Variants in TCTN2 observed in about 807,000 individuals in gnomAD.
The protein encoded by TCTN2 is tectonic-2.
TCTN2 carries 66 observed loss-of-function variants against 83.4 expected under a neutral mutation model. The ratio of observed to expected loss-of-function variants is 0.79; its 90% CI spans 0.65 to 0.97. The LOEUF (loss-of-function observed/expected upper bound fraction) is 0.97, where lower values mean the gene tolerates loss of function less well. Ranked by LOEUF, TCTN2 falls within the 50% of genes least tolerant of loss-of-function variation. The pLI, the probability that TCTN2 is intolerant of heterozygous loss-of-function variation, is 0.00. For missense variants in TCTN2, 794 were observed against 858.1 expected (o/e 0.93, Z 0.93); for synonymous variants, 301 against 326.7 (o/e 0.92, Z 0.85).
intron 5 of TCTN2, among the ~76,000 whole-genome samples, chr12:123,682,170 C>CTG (rs1409322149): frequency 2.0e-5 from 3 of 152,266 alleles, no homozygotes; most frequent in East Asian, 3.9e-4. Context: ...TGGGGTCTTG[C>CTG]TGTGTTGCCT....
intron 11 of TCTN2, chr12:123,696,207 T>C: frequency 1.7e-6 from 1 of 583,514 alleles, no homozygotes; most frequent in South Asian, 2.0e-5. Flanking sequence ...TTGTACATAG[T>C]AACAAGTTGC....
rs1956028966 is a variant in TCTN2, at chr12:123,690,583, C to T, written c.942C>T (p.His314=). The T allele has an allele frequency of 6.2e-7, 1 of 1,614,062 alleles. No individual in the cohort carries two copies. Among genetic ancestry groups the T allele is most frequent in the South Asian group, 1.1e-5 (1 of 91,092 alleles). ...AGAACGCCCCAGTGGCATTTCTTCA[C>T]AATTTTGATGTTAAATGCGTTACTA... is the stretch of plus-strand genomic sequence containing the variant. The part of the protein sequence containing the change: ...CMQNAPVAFL[H]NFDVKCVTNL... Residue 314 remains histidine (H), a synonymous_variant, in exon 8 of 18, where the codon CAC becomes CAT. Transcript: ENST00000303372.
At chr12:123,690,729 T>C (rs1405046282) in intron 8 of TCTN2, 55 bp downstream of exon 8, 3 of 1,594,184 alleles carry the variant, frequency 1.9e-6, no homozygotes, top group Non-Finnish European at 1.7e-6. Context: ...ATATAAAGTA[T>C]GATCTCATGA....
chr12:123,696,678 G>T, intron 12 of TCTN2, 183 bp downstream of exon 12: 1 of 654,956 alleles, frequency 1.5e-6, no homozygotes, highest in Non-Finnish European at 2.8e-6. Context: ...TTTTAAAAAG[G>T]AATGCTAACA....
chr12:123,690,387 G>T (rs1956026285), intron 7 of TCTN2, 146 bp from the exon 8 acceptor site: 1 of 1,074,108 alleles, frequency 9.3e-7, no homozygotes, highest in African/African-American at 1.6e-5. Flanking sequence ...GCTAAAGCGG[G>T]TCAACTAGTC....
At position 123,704,634 on chromosome 12, in the gene TCTN2, A is replaced by G. The variant is rs773570450; in HGVS notation, c.1715A>G (p.Asp572Gly). The change falls in exon 15 of 18, where the codon GAT (aspartate) becomes GGT (glycine). Residue 572 changes from aspartate (D) to glycine (G), a missense_variant. Asp to Gly is a moderately conservative substitution (Grantham distance 94). Coordinates refer to ENST00000303372, the MANE Select transcript of TCTN2 (RefSeq NM_024809.5). ...AHLSIRILIS[D>G]AGAVEGITQQ... ...CTGAGCATCCGCATCCTCATCTCGG[A>G]TGCTGGCGCGGTGGAAGGGATTACT... 2 of 1,613,342 alleles carry G rather than the reference A, an allele frequency of 1.2e-6. No individual in the cohort carries two copies. Among genetic ancestry groups the G allele is most frequent in the Admixed American group, 1.7e-5 (1 of 59,786 alleles).
intron 3 of TCTN2, among the ~76,000 whole-genome samples, chr12:123,672,649 G>T (rs1955770492): frequency 6.6e-6 from 1 of 151,954 alleles, no homozygotes; most frequent in Non-Finnish European, 1.5e-5. Flanking sequence ...GGTAGCTGAG[G>T]CAAGAGGATT....
Position 123,686,827 on chromosome 12 carries a change from G to T in TCTN2, c.565-9G>T. On this transcript the variant is annotated splice_polypyrimidine_tract_variant and intron_variant, in intron 5 of 17. Transcript: ENST00000303372. ...GGTCACAGCTCCTGCCTTTATGTTTGTCTTCCAGGAATGCTCATCAAATTT... is the reference window on the plus strand; with the variant it reads ...GGTCACAGCTCCTGCCTTTATGTTTTTCTTCCAGGAATGCTCATCAAATTT... The T allele has an allele frequency of 6.2e-7, 1 of 1,614,154 alleles. No individual in the cohort carries two copies. Among genetic ancestry groups the T allele is most frequent in the Non-Finnish European group, 8.5e-7 (1 of 1,180,014 alleles).
Position 123,672,135 on chromosome 12 carries a change from A to G in TCTN2, c.267+3A>G, listed in dbSNP as rs748772785. On this transcript the variant is annotated splice_donor_region_variant and intron_variant, in intron 3 of 17. Transcript: ENST00000303372. ...GCGTGACTGTGATCCCCGGTGCGGT[A>G]AGGCCAGAAGTAAACCTTCTCTGTA... 4.2e-5 allele frequency: 68 copies of G among 1,613,834 alleles called. No homozygotes were observed. The East Asian group carries it at 1.4e-3, about 33-fold the overall frequency.
Position 123,686,984 on chromosome 12 carries a change from A to G in TCTN2, c.713A>G (p.Gln238Arg). The change falls in exon 6 of 18, where the codon CAG becomes CGG. Residue 238 changes from glutamine (Q) to arginine (R), a missense_variant. Physicochemically the swap from Gln to Arg is conservative, Grantham distance 43. Coordinates refer to ENST00000303372, the MANE Select transcript of TCTN2 (RefSeq NM_024809.5). ...VPDWFPFLCVQSPLANTPFLG... is the reference protein window; with the variant it reads ...VPDWFPFLCVRSPLANTPFLG... Reference sequence around the variant, plus strand: ...GATTGGTTTCCCTTTCTGTGTGTGCAGTCCCCCCTTGCCAACACACCCTTC... The same window carrying G: ...GATTGGTTTCCCTTTCTGTGTGTGCGGTCCCCCCTTGCCAACACACCCTTC... The G allele has an allele frequency of 1.2e-6, 2 of 1,614,142 alleles. No individual in the cohort carries two copies. The highest frequency in any genetic ancestry group is 1.7e-6 in the Non-Finnish European group (2 of 1,180,040).
At position 123,695,243 on chromosome 12, in the gene TCTN2, G is replaced by A; in HGVS notation, c.1258G>A (p.Val420Ile). ...AGGGATAATGACACAGAGATTTGTA[G>A]TAAAATTTTTAAGCTATAATAGTGG... ...QKGIMTQRFV[V>I]KFLSYNSGNE... Residue 420 changes from valine to isoleucine, a missense_variant, in exon 11 of 18, where the codon GTA becomes ATA. Physicochemically the swap from Val to Ile is conservative, Grantham distance 29. Transcript: ENST00000303372. 1 of 1,582,550 alleles carries A rather than the reference G, an allele frequency of 6.3e-7. No homozygotes were observed.
At chr12:123,673,893 G>A (rs542481530) in intron 4 of TCTN2, 83 bp downstream of exon 4, 88 of 1,391,328 alleles carry the variant, frequency 6.3e-5, no homozygotes, top group Non-Finnish European at 7.8e-5. Flanking sequence ...GCTTGAGCCC[G>A]GGAGGTTGAT....
chr12:123,691,949 C>A (rs1337443807), intron 8 of TCTN2, among the ~76,000 whole-genome samples: 1 of 151,442 alleles, frequency 6.6e-6, no homozygotes, highest in Non-Finnish European at 1.5e-5. Flanking sequence ...GGCTGGAGTG[C>A]GATGGCGCGA....
chr12:123,674,720 C>G (rs1955800099), intron 4 of TCTN2, among the ~76,000 whole-genome samples: 1 of 152,168 alleles, frequency 6.6e-6, no homozygotes, highest in Non-Finnish European at 1.5e-5. Context: ...ACAGCAGATA[C>G]TGTCTCTATA....
At chr12:123,705,093 C>A (rs1331452545) in intron 15 of TCTN2, among the ~76,000 whole-genome samples, 2 of 151,820 alleles carry the variant, frequency 1.3e-5, no homozygotes, top group Non-Finnish European at 2.9e-5. Context: ...AATTACTTAA[C>A]CTTTCTGAGC....
intron 8 of TCTN2, 54 bp from the exon 9 acceptor site, chr12:123,692,604 A>T: frequency 7.2e-7 from 1 of 1,383,356 alleles, no homozygotes; most frequent in Non-Finnish European, 1.0e-6. Context: ...AGTAAGTGTG[A>T]TCATGGTAGG....
At chr12:123,692,770 T>G in intron 9 of TCTN2, 47 bp downstream of exon 9, 1 of 1,444,592 alleles carries the variant, frequency 6.9e-7, no homozygotes, top group Non-Finnish European at 9.7e-7. Flanking sequence ...AACAGATATG[T>G]CATTTCTTAC....
intron 7 of TCTN2, among the ~76,000 whole-genome samples, chr12:123,689,735 T>C (rs1956019635): frequency 6.6e-6 from 1 of 152,188 alleles, no homozygotes. Flanking sequence ...TTTACCATTC[T>C]AGAATTTTGA....
chr12:123,699,346 G>A lies in TCTN2; in HGVS notation c.1506-358G>A, dbSNP rs142258562. ...ATTTTTGTATTTTTTGTAGAGGCAG[G>A]GTTTTGCCCTGTTGCCCAGGCTGGT... is the stretch of plus-strand genomic sequence containing the variant. On this transcript the variant is annotated intron_variant, in intron 13 of 17. Transcript: ENST00000303372. 1.2e-3 allele frequency among the ~76,000 whole-genome samples: 182 copies of A among 151,822 alleles called. 1 individual carries two copies. The highest frequency in any genetic ancestry group is 4.1e-3 in the African/African-American group (170 of 41,408).
Sources: gnomAD v4.1 joint callset for allele counts (sites outside exome capture counted in the v4.1 genomes callset) on GRCh38, gnomAD v4.1.1 for gene constraint, MANE v1.5 for transcripts, NCBI Gene and HGNC (gene_info 2026-07-23, HGNC 2026-07-21) for gene names.